The following ROCK2 variants were observed in gnomAD, a reference collection of about 807,000 sequenced individuals.
ROCK2 encodes the protein rho-associated protein kinase 2.
ROCK2 carries 61 observed loss-of-function variants against 195.1 expected under a neutral mutation model. The ratio of observed to expected loss-of-function variants is 0.31; its 90% CI spans 0.25 to 0.39. The LOEUF is 0.39. Ranked by LOEUF, ROCK2 falls within the 10% of genes least tolerant of loss-of-function variation. The pLI, the probability that ROCK2 is intolerant of heterozygous loss-of-function variation, is 1.00. For missense variants in ROCK2, 1,109 were observed against 1,637.4 expected (o/e 0.68, Z 5.57); for synonymous variants, 504 against 545.5 (o/e 0.92, Z 1.06).
At chr2:11,213,188 C>G (rs1664305788) in intron 17 of ROCK2, among the ~76,000 whole-genome samples, 1 of 152,136 alleles carries the variant, frequency 6.6e-6, no homozygotes, top group African/African-American at 2.4e-5. Flanking sequence ...CTGAAAAAGT[C>G]TACTGACCAG....
In ROCK2 at chr2:11,197,376, A is replaced by C; in HGVS notation, c.3280-28T>G. The C allele has an allele frequency of 1.3e-6, 2 of 1,599,586 alleles. No homozygotes were observed. Among genetic ancestry groups the C allele is most frequent in the Non-Finnish European group, 1.7e-6 (2 of 1,169,288 alleles). On this transcript the variant is annotated intron_variant, in intron 26 of 32. Transcript: ENST00000315872. This position sits in a 1 kb window ranked among gnomAD's most constrained non-coding sequence, Gnocchi z 4.9. ...ATAAGAAATTTAATTACAATAAGTT[A>C]ATTGGATGCAACATAACTCAACATT... is the stretch of plus-strand genomic sequence containing the variant.
At chr2:11,241,070 T>C (rs2148114567) in intron 4 of ROCK2, among the ~76,000 whole-genome samples, 1 of 152,304 alleles carries the variant, frequency 6.6e-6, no homozygotes, top group South Asian at 2.1e-4. Flanking sequence ...AAAACCTGAA[T>C]GTCCATTAAT....
intron 1 of ROCK2, among the ~76,000 whole-genome samples, chr2:11,333,796 G>A (rs1228076578): frequency 6.6e-6 from 1 of 152,124 alleles, no homozygotes. Context: ...TGCTCATAAA[G>A]TGCAATTCCA....
chr2:11,198,755 G>T lies in ROCK2; in HGVS notation c.2930C>A (p.Thr977Lys). Residue 977 changes from threonine (T) to lysine (K), a missense_variant, in exon 24 of 33, where the codon ACA (threonine) becomes AAA (lysine). Physicochemically the swap from Thr to Lys is moderately conservative, Grantham distance 78. Coordinates refer to ENST00000315872, the MANE Select transcript of ROCK2 (RefSeq NM_004850.5). ...AAGATTGGCAACATCACTAGTTAGT[G>T]TCCTATTAGTTTCCTCAAGCTAAGA... ...TIASLEETNRTLTSDVANLAN... is the reference protein window; with the variant it reads ...TIASLEETNRKLTSDVANLAN... The T allele has an allele frequency of 6.3e-7, 1 of 1,596,018 alleles. No individual in the cohort carries two copies. The highest frequency in any genetic ancestry group is 8.5e-7 in the Non-Finnish European group (1 of 1,171,750).
intron 32 of ROCK2, among the ~76,000 whole-genome samples, chr2:11,185,919 G>A (rs1252807519): frequency 1.3e-5 from 2 of 152,184 alleles, no homozygotes; most frequent in East Asian, 3.9e-4. Context: ...AGAAACTTTA[G>A]TGTATATGAT....
At chr2:11,305,699 A>C (rs1667838832) in intron 1 of ROCK2, among the ~76,000 whole-genome samples, 1 of 151,468 alleles carries the variant, frequency 6.6e-6, no homozygotes, top group African/African-American at 2.4e-5. Flanking sequence ...AAAGGAAGGA[A>C]GTGCACAGGT....
chr2:11,257,108 C>G (rs553898835), intron 3 of ROCK2, among the ~76,000 whole-genome samples: 11 of 151,684 alleles, frequency 7.3e-5, no homozygotes, highest in Non-Finnish European at 1.0e-4. Context: ...TAGATTACAT[C>G]ACTTCTCATT....
chr2:11,208,925 CT>C (rs1664155089), intron 18 of ROCK2, among the ~76,000 whole-genome samples: 3 of 152,166 alleles, frequency 2.0e-5, no homozygotes, highest in Admixed American at 2.0e-4. Context: ...CACTTTCATA[CT>C]TGAAAATTAG....
At chr2:11,300,934 A>G (rs889948409) in intron 1 of ROCK2, among the ~76,000 whole-genome samples, 1 of 152,202 alleles carries the variant, frequency 6.6e-6, no homozygotes, top group Non-Finnish European at 1.5e-5. Context: ...CTAACGTATT[A>G]TGCTTCTTCC....
chr2:11,209,437 T>C (rs1664173554), intron 18 of ROCK2, among the ~76,000 whole-genome samples: 1 of 152,244 alleles, frequency 6.6e-6, no homozygotes, highest in African/African-American at 2.4e-5. Context: ...GAATTTTTAA[T>C]GACCAAGGAA....
chr2:11,261,646 G>C (rs1368377460), intron 3 of ROCK2, among the ~76,000 whole-genome samples: 1 of 152,122 alleles, frequency 6.6e-6, no homozygotes, highest in Non-Finnish European at 1.5e-5. Flanking sequence ...GTGAAACCCT[G>C]TCTTTACTAA....
At chr2:11,236,945 G>A (rs1191010068) in intron 4 of ROCK2, among the ~76,000 whole-genome samples, 1 of 152,174 alleles carries the variant, frequency 6.6e-6, no homozygotes, top group African/African-American at 2.4e-5. Flanking sequence ...GAGGTCAGGA[G>A]TTCGAGACCA....
intron 25 of ROCK2, among the ~76,000 whole-genome samples, chr2:11,198,160 A>C (rs1399914670): frequency 6.6e-6 from 1 of 152,242 alleles, no homozygotes; most frequent in Non-Finnish European, 1.5e-5. Flanking sequence ...GAGTTGGCAG[A>C]GAGTGAACTA....
intron 1 of ROCK2, among the ~76,000 whole-genome samples, chr2:11,339,270 G>A (rs985288904): frequency 3.3e-5 from 5 of 152,218 alleles, no homozygotes; most frequent in Admixed American, 3.3e-4. Flanking sequence ...GACAGATAAA[G>A]AAAATACAGC....
intron 1 of ROCK2, among the ~76,000 whole-genome samples, chr2:11,312,965 G>T (rs1668082014): frequency 6.6e-6 from 1 of 152,044 alleles, no homozygotes; most frequent in African/African-American, 2.4e-5. Flanking sequence ...GGCAACAAGA[G>T]GAAAAAGAAA....
At chr2:11,251,310 T>C (rs1391937760) in intron 3 of ROCK2, among the ~76,000 whole-genome samples, 1 of 152,240 alleles carries the variant, frequency 6.6e-6, no homozygotes, top group Non-Finnish European at 1.5e-5. Context: ...TGGCACATAA[T>C]AACCTTTCAA....
chr2:11,311,134 A>T (rs1021914478), intron 1 of ROCK2, among the ~76,000 whole-genome samples: 2 of 152,074 alleles, frequency 1.3e-5, no homozygotes, highest in South Asian at 2.1e-4. Context: ...AACACTTTTT[A>T]AAAAAACAAA....
chr2:11,303,574 G>T (rs1667769168), intron 1 of ROCK2, among the ~76,000 whole-genome samples: 1 of 152,012 alleles, frequency 6.6e-6, no homozygotes. Context: ...CTTGATTACT[G>T]CCATTGGCAT....
Position 11,197,277 on chromosome 2 carries a change from C to T in ROCK2, c.3351G>A (p.Glu1117=). 6.2e-7 allele frequency: 1 copy of T among 1,614,024 alleles called. No individual in the cohort carries two copies. Residue 1117 remains glutamate (E), a synonymous_variant, in exon 27 of 33, where the codon GAG becomes GAA. Coordinates refer to ENST00000315872, the MANE Select transcript of ROCK2 (RefSeq NM_004850.5). This position sits in a 1 kb window ranked among gnomAD's most constrained non-coding sequence, Gnocchi z 4.9. ...AGGCTTGGAGTTGTGACCGCAGCTG[C>T]TCAATGTCACTGTCTTTACTGTCCA... The part of the protein sequence containing the change: ...MTLDSKDSDI[E]QLRSQLQALH...
Sources: gnomAD v4.1 joint callset for allele counts (sites outside exome capture counted in the v4.1 genomes callset) on GRCh38, gnomAD v4.1.1 for gene constraint, Gnocchi (gnomAD v3.1) non-coding constraint, MANE v1.5 for transcripts, NCBI Gene and HGNC (gene_info 2026-07-23, HGNC 2026-07-21) for gene names.